Variants in ATP9B observed in about 807,000 individuals in gnomAD.
ATP9B encodes probable phospholipid-transporting ATPase IIB.
In ATP9B, 110 loss-of-function variants were observed where a neutral mutation model predicts 146.1. That is an observed-to-expected ratio of 0.75 (90% CI 0.65 to 0.88). The LOEUF is 0.88. ATP9B is among the 40% of genes least tolerant of loss of function. The pLI, the probability that ATP9B is intolerant of heterozygous loss-of-function variation, is 0.00. For synonymous variants in ATP9B, 604 were observed against 569.7 expected (o/e 1.06, Z -0.86); for missense variants, 1,499 against 1,496.4 (o/e 1.00, Z -0.03).
chr18:79,329,015 C>G (rs1171858970), intron 15 of ATP9B, 126 bp from the exon 16 acceptor site: 1 of 1,024,330 alleles, frequency 9.8e-7, no homozygotes, highest in Non-Finnish European at 1.3e-6. Flanking sequence ...ACAAAAAGTT[C>G]TGAACACCTA....
At chr18:79,344,183 C>T (rs1315506748) in intron 20 of ATP9B, 82 bp from the exon 21 acceptor site, 5 of 1,260,438 alleles carry the variant, frequency 4.0e-6, no homozygotes, top group Non-Finnish European at 5.7e-6. Flanking sequence ...TCCACTGTGA[C>T]TCTGCAAATA....
intron 11 of ATP9B, among the ~76,000 whole-genome samples, chr18:79,237,195 C>T (rs1175877059): frequency 5.4e-5 from 6 of 110,170 alleles, no homozygotes; most frequent in Non-Finnish European, 1.1e-4. Context: ...AGTCCGTGCA[C>T]GAGTCAGTGT....
chr18:79,298,083 G>GC lies in ATP9B; in HGVS notation c.1412-5519dup, dbSNP rs1207980602. Among the ~76,000 whole-genome samples, 10 of 147,034 alleles carry GC rather than the reference G, an allele frequency of 6.8e-5. 1 individual carries two copies. Among genetic ancestry groups the GC allele is most frequent in the Non-Finnish European group, 1.4e-4 (9 of 66,240 alleles). ...GAAGCGAGGGTGCTTGTCCAACAGTGCCAGCATTCCAGACAGTGCAGTACG... is the reference window on the plus strand; with the variant it reads ...GAAGCGAGGGTGCTTGTCCAACAGTGCCCAGCATTCCAGACAGTGCAGTACG... On this transcript the variant is annotated intron_variant, in intron 13 of 29. Transcript: ENST00000426216.
At chr18:79,187,305 G>T (rs1013531581) in intron 8 of ATP9B, among the ~76,000 whole-genome samples, 5 of 152,156 alleles carry the variant, frequency 3.3e-5, no homozygotes, top group Non-Finnish European at 7.4e-5. Flanking sequence ...TGGTCAAAGG[G>T]TGATAGGGCA....
At chr18:79,188,589 A>G (rs2095331098) in intron 8 of ATP9B, among the ~76,000 whole-genome samples, 1 of 152,252 alleles carries the variant, frequency 6.6e-6, no homozygotes, top group South Asian at 2.1e-4. Flanking sequence ...TCAATATCCC[A>G]TTAATAAATA....
chr18:79,205,631 C>T (rs1294295430), intron 9 of ATP9B, among the ~76,000 whole-genome samples: 1 of 152,148 alleles, frequency 6.6e-6, no homozygotes, highest in African/African-American at 2.4e-5. Context: ...GTCACTGCCT[C>T]CCACACGGGA....
intron 12 of ATP9B, among the ~76,000 whole-genome samples, chr18:79,262,268 A>T (rs992254990): frequency 2.6e-5 from 4 of 152,190 alleles, no homozygotes; most frequent in African/African-American, 9.7e-5. Flanking sequence ...AATTTTTTTT[A>T]AATATATTTT....
chr18:79,205,997 G>A (rs1303370762), intron 9 of ATP9B, among the ~76,000 whole-genome samples: 5 of 151,394 alleles, frequency 3.3e-5, no homozygotes, highest in Non-Finnish European at 7.4e-5. Context: ...CTGGAGTGAA[G>A]TGGCGTGATC....
chr18:79,241,520 G>A (rs2095888875), intron 11 of ATP9B, among the ~76,000 whole-genome samples: 3 of 152,192 alleles, frequency 2.0e-5, no homozygotes, highest in African/African-American at 7.2e-5. Flanking sequence ...TCCATACAGA[G>A]TCTCACTTAG....
chr18:79,373,615 C>G (rs2097086123), intron 27 of ATP9B, among the ~76,000 whole-genome samples: 1 of 151,996 alleles, frequency 6.6e-6, no homozygotes, highest in East Asian at 1.9e-4. Context: ...TCAGCCTCCC[C>G]AGTAGCTGGG....
intron 26 of ATP9B, among the ~76,000 whole-genome samples, chr18:79,367,737 T>A (rs2097042917): frequency 1.3e-5 from 2 of 152,202 alleles, no homozygotes. Context: ...CCACCACACC[T>A]CCTGCTGTGG....
At chr18:79,375,106 T>A (rs1373833142) in intron 28 of ATP9B, among the ~76,000 whole-genome samples, 2 of 152,234 alleles carry the variant, frequency 1.3e-5, no homozygotes, top group African/African-American at 4.8e-5. Context: ...GCGTGCGCCT[T>A]CTGTGCTGAG....
chr18:79,340,082 A>C (rs1417443524), intron 19 of ATP9B, among the ~76,000 whole-genome samples: 1 of 152,174 alleles, frequency 6.6e-6, no homozygotes, highest in Non-Finnish European at 1.5e-5. Context: ...GGCAAGACCC[A>C]TCTGTAAATC....
chr18:79,337,197 A>T (rs960549417), intron 18 of ATP9B, 82 bp from the exon 19 acceptor site: 2 of 1,558,006 alleles, frequency 1.3e-6, no homozygotes. Flanking sequence ...CTCTGTCCCC[A>T]CAGCCCATGC....
chr18:79,119,148 C>A (rs1026462712), intron 4 of ATP9B, among the ~76,000 whole-genome samples: 9 of 150,606 alleles, frequency 6.0e-5, no homozygotes, highest in African/African-American at 2.2e-4. Context: ...AACACAAATT[C>A]TTCTTAATAA....
At chr18:79,245,240 A>ATTT (rs2095932326) in intron 11 of ATP9B, among the ~76,000 whole-genome samples, 1 of 152,240 alleles carries the variant, frequency 6.6e-6, no homozygotes, top group Non-Finnish European at 1.5e-5. Flanking sequence ...ACTTGTTAAA[A>ATTT]TAAATATAAA....
chr18:79,283,541 T>G (rs528487726), intron 13 of ATP9B, among the ~76,000 whole-genome samples: 4 of 152,356 alleles, frequency 2.6e-5, no homozygotes, highest in Non-Finnish European at 4.4e-5. Context: ...AATTGCATTA[T>G]AGTTTCCTTC....
intron 11 of ATP9B, among the ~76,000 whole-genome samples, chr18:79,225,501 C>G (rs2095719648): frequency 6.6e-6 from 1 of 152,252 alleles, no homozygotes; most frequent in African/African-American, 2.4e-5. Context: ...TCTACCATGT[C>G]TTCATCATGG....
chr18:79,221,611 C>T (rs928619954), intron 11 of ATP9B, among the ~76,000 whole-genome samples: 4 of 152,136 alleles, frequency 2.6e-5, no homozygotes, highest in South Asian at 2.1e-4. Flanking sequence ...TTCCCAGCTA[C>T]GCAAGAGGCT....
Sources: gnomAD v4.1 joint callset for allele counts (sites outside exome capture counted in the v4.1 genomes callset) on GRCh38, gnomAD v4.1.1 for gene constraint, MANE v1.5 for transcripts, NCBI Gene and HGNC (gene_info 2026-07-23, HGNC 2026-07-21) for gene names.